Variants in EFEMP1 observed in about 807,000 individuals in gnomAD.
EFEMP1 encodes EGF-containing fibulin-like extracellular matrix protein 1.
EFEMP1 carries 18 observed loss-of-function variants against 65.7 expected under a neutral mutation model. That is an observed-to-expected ratio of 0.27 (90% CI 0.19 to 0.41). The LOEUF (loss-of-function observed/expected upper bound fraction) is 0.41, where lower values mean the gene tolerates loss of function less well. Ranked by LOEUF, EFEMP1 falls within the 10% of genes least tolerant of loss-of-function variation. The probability of loss-of-function intolerance (pLI) is 1.00; values close to 1 mark genes in which losing one functional copy is unlikely to be tolerated. For missense variants in EFEMP1, 469 were observed against 624.8 expected, an observed-to-expected ratio of 0.75 and a Z score of 2.66; for synonymous variants, 237 against 219.7, an observed-to-expected ratio of 1.08 and a Z score of -0.70.
In EFEMP1 at chr2:55,922,066, GTT is replaced by G. The variant is rs1670924460; in HGVS notation, c.81+292_81+293del. 1 of 386,824 alleles carries G rather than the reference GTT, an allele frequency of 2.6e-6. No individual in the cohort carries two copies. The highest frequency in any genetic ancestry group is 4.9e-6 in the Non-Finnish European group (1 of 202,062). 24.0% of individuals were successfully genotyped at this position (386,824 alleles called of 1,614,324 possible). On this transcript the variant is annotated intron_variant, in intron 3 of 11. Transcript: ENST00000355426. The surrounding 1 kb of genome is among the most constrained non-coding windows in gnomAD (Gnocchi z 5.5). ...CCTTACACCCATTAATTTGTTGAAT[GTT>G]TTGGAAACATGTAACTTTCTTTGGT...
At chr2:55,869,944 C>A (rs924930137) in intron 11 of EFEMP1, among the ~76,000 whole-genome samples, 1 of 151,904 alleles carries the variant, frequency 6.6e-6, no homozygotes, top group African/African-American at 2.4e-5. Context: ...AGCTCAGAAG[C>A]CACTGAAGGG....
chr2:55,888,825 C>T (rs1308636790), intron 5 of EFEMP1, among the ~76,000 whole-genome samples: 1 of 152,190 alleles, frequency 6.6e-6, no homozygotes, highest in African/African-American at 2.4e-5. Context: ...GCCACACAGG[C>T]TGGAGACCTG....
rs1165252006 is a variant in EFEMP1, at chr2:55,866,375, T to A, written c.*698A>T. On this transcript the variant is annotated 3_prime_UTR_variant, in exon 12 of 12. Transcript: ENST00000355426. ...AATTTATTTTCTCATATCCTCCCCA[T>A]AGATTTCTCAATAGTATAATTTTCT... The A allele has an allele frequency of 6.6e-6, 1 of 152,184 alleles. No homozygotes were observed. The highest frequency in any genetic ancestry group is 2.1e-4 in the South Asian group (1 of 4,828). 9.4% of individuals were successfully genotyped at this position (152,184 alleles called of 1,614,324 possible).
At chr2:55,876,522 A>G (rs1669040794) in intron 8 of EFEMP1, 101 bp downstream of exon 8, 1 of 1,519,144 alleles carries the variant, frequency 6.6e-7, no homozygotes, top group Non-Finnish European at 9.0e-7. Context: ...CAGAATTCCC[A>G]TGGGTAAGCG....
intron 9 of EFEMP1, among the ~76,000 whole-genome samples, chr2:55,874,736 TTA>T (rs947681261): frequency 6.6e-6 from 1 of 152,032 alleles, no homozygotes; most frequent in African/African-American, 2.4e-5. Flanking sequence ...TTAAAATTAT[TTA>T]TCTTTTAAGG....
chr2:55,870,953 G>C lies in EFEMP1; in HGVS notation c.1125-38C>G. The C allele has an allele frequency of 6.2e-7, 1 of 1,613,644 alleles. No homozygotes were observed. The highest frequency in any genetic ancestry group is 8.5e-7 in the Non-Finnish European group (1 of 1,179,736). On this transcript the variant is annotated intron_variant, in intron 10 of 11. Coordinates refer to ENST00000355426, the MANE Select transcript of EFEMP1 (RefSeq NM_001039348.3). This position sits in a 1 kb window ranked among gnomAD's most constrained non-coding sequence, Gnocchi z 5.8. Reference sequence around the variant, plus strand: ...ACAAAAGTATTCAGCAGTTTGGCTTGGTAAGACCAGAAAATCCTCACTTTC... The same window carrying C: ...ACAAAAGTATTCAGCAGTTTGGCTTCGTAAGACCAGAAAATCCTCACTTTC...
chr2:55,891,396 C>G (rs1669621392), intron 5 of EFEMP1, among the ~76,000 whole-genome samples: 1 of 151,980 alleles, frequency 6.6e-6, no homozygotes, highest in South Asian at 2.1e-4. Context: ...GTGGGTGTTC[C>G]TTGTTAATTG....
Position 55,885,582 on chromosome 2 carries a change from G to A in EFEMP1, c.518-3848C>T, listed in dbSNP as rs1669393666. Among the ~76,000 whole-genome samples the A allele has an allele frequency of 6.6e-6, 1 of 152,148 alleles. No individual in the cohort carries two copies. Among genetic ancestry groups the A allele is most frequent in the African/African-American group, 2.4e-5 (1 of 41,430 alleles). On this transcript the variant is annotated intron_variant, in intron 5 of 11. Coordinates refer to ENST00000355426, the MANE Select transcript of EFEMP1 (RefSeq NM_001039348.3). This position sits in a 1 kb window ranked among gnomAD's most constrained non-coding sequence, Gnocchi z 4.3. ...ACAATAGCTAATGGCAATATTTGGT[G>A]ATTCCCTCATTTTTCAAAAATGTGC...
At chr2:55,902,039 G>C (rs997647586) in intron 5 of EFEMP1, among the ~76,000 whole-genome samples, 1 of 152,184 alleles carries the variant, frequency 6.6e-6, no homozygotes, top group Non-Finnish European at 1.5e-5. Context: ...TTCCAGTCGA[G>C]CTTTGAATGA....
At chr2:55,893,170 T>C (rs570373751) in intron 5 of EFEMP1, among the ~76,000 whole-genome samples, 2 of 152,282 alleles carry the variant, frequency 1.3e-5, no homozygotes, top group South Asian at 4.1e-4. Flanking sequence ...GTTTCAGAAT[T>C]AGAGGAATCA....
At chr2:55,884,141 C>T (rs1669343349) in intron 5 of EFEMP1, among the ~76,000 whole-genome samples, 1 of 152,142 alleles carries the variant, frequency 6.6e-6, no homozygotes, top group Admixed American at 6.6e-5. Context: ...TTATCCTCTC[C>T]TTTGCTGTTG....
intron 5 of EFEMP1, among the ~76,000 whole-genome samples, chr2:55,912,940 C>T (rs1670533986): frequency 6.6e-6 from 1 of 152,140 alleles, no homozygotes; most frequent in Admixed American, 6.5e-5. Context: ...AATGTCCAGG[C>T]ATCCTACACA....
rs547810936 is a variant in EFEMP1 at position 55,898,436 on chromosome 2, G to A, written c.518-16702C>T. Among the ~76,000 whole-genome samples, 18 of 152,058 alleles carry A rather than the reference G, an allele frequency of 1.2e-4. No homozygotes were observed. The South Asian group carries it at 1.5e-3, about 12-fold the overall frequency. ...TTATGATCCAGAAAATAGTCCTTAC[G>A]TAGCACACTCTCTTTTTATGCCTCT... On this transcript the variant is annotated intron_variant, in intron 5 of 11. Transcript: ENST00000355426.
chr2:55,920,793 C>T (rs186090419), intron 3 of EFEMP1, among the ~76,000 whole-genome samples: 25 of 152,314 alleles, frequency 1.6e-4, no homozygotes, highest in African/African-American at 5.3e-4. Flanking sequence ...TTACCTTACA[C>T]ATTGCCGCAA....
Position 55,866,799 on chromosome 2 carries a change from G to C in EFEMP1, c.*274C>G. Reference sequence around the variant, plus strand: ...TGCTTGGTCCCACTTTTATAGGAAAGAATCCAAGTTTCACCAGATAGTGTA... The same window carrying C: ...TGCTTGGTCCCACTTTTATAGGAAACAATCCAAGTTTCACCAGATAGTGTA... On this transcript the variant is annotated 3_prime_UTR_variant, in exon 12 of 12. Coordinates refer to ENST00000355426, the MANE Select transcript of EFEMP1 (RefSeq NM_001039348.3). 1 of 379,420 alleles carries C rather than the reference G, an allele frequency of 2.6e-6. No individual in the cohort carries two copies. The highest frequency in any genetic ancestry group is 4.9e-6 in the Non-Finnish European group (1 of 205,154). 23.5% of individuals were successfully genotyped at this position (379,420 alleles called of 1,614,324 possible).
intron 5 of EFEMP1, among the ~76,000 whole-genome samples, chr2:55,910,274 A>T (rs1474325834): frequency 6.6e-6 from 1 of 152,190 alleles, no homozygotes; most frequent in East Asian, 1.9e-4. Context: ...AAATTTTTGC[A>T]ATGACAGCAT....
intron 5 of EFEMP1, among the ~76,000 whole-genome samples, chr2:55,895,686 C>A (rs533823256): frequency 6.6e-6 from 1 of 151,856 alleles, no homozygotes; most frequent in South Asian, 2.1e-4. Flanking sequence ...GGACTACAGG[C>A]GCCCGCCACC....
chr2:55,914,336 C>T (rs115379649), intron 5 of EFEMP1, among the ~76,000 whole-genome samples: 3,057 of 152,244 alleles, frequency 0.02, 57 homozygotes, highest in South Asian at 0.072. Flanking sequence ...TCACTGTGAC[C>T]TGATCTTTGA....
chr2:55,895,736 T>C (rs1669805293), intron 5 of EFEMP1, among the ~76,000 whole-genome samples: 1 of 151,446 alleles, frequency 6.6e-6, no homozygotes, highest in South Asian at 2.1e-4. Flanking sequence ...AGAGACGGGG[T>C]TTCACTGTGT....
Sources: allele counts gnomAD v4.1 joint callset (sites outside exome capture counted in the v4.1 genomes callset), GRCh38; gene constraint gnomAD v4.1.1; non-coding constraint Gnocchi (gnomAD v3.1); transcripts MANE v1.5; gene names NCBI Gene and HGNC (gene_info 2026-07-23, HGNC 2026-07-21).